INSC: variants seen among roughly 807,000 people sequenced by gnomAD.
The protein encoded by INSC is INSC spindle orientation adaptor protein.
Under a neutral mutation model 58.6 loss-of-function variants are expected in INSC, and 67 were observed. That is an observed-to-expected ratio of 1.14 (90% CI 0.94 to 1.40). INSC has a LOEUF of 1.40. Among genes scored for constraint, INSC ranks in the 40% most tolerant of loss-of-function variants. INSC has a pLI of 0.00. For synonymous variants in INSC, 262 were observed against 276.1 expected (o/e 0.95, Z 0.51); for missense variants, 714 against 692.0 (o/e 1.03, Z -0.36).
rs550642524 is a variant in INSC, at chr11:15,246,132, ATCT to A, written c.*97_*99del. On this transcript the variant is annotated 3_prime_UTR_variant, in exon 13 of 13. Transcript: ENST00000379556. ...ATCTGAGTACATACCAGCTCTCCTC[ATCT>A]TCTTATTTATACTTAACTTATTTTT... The A allele has an allele frequency of 3.6e-4, 489 of 1,366,498 alleles. 1 individual carries two copies. In the African/African-American group the frequency reaches 5.8e-3, roughly 16 times the overall value. The allele number at this position is 1,366,498 out of a possible 1,614,324, so 84.6% of individuals were successfully genotyped here.
At chr11:15,223,220 A>G (rs1220797431) in intron 8 of INSC, among the ~76,000 whole-genome samples, 1 of 152,260 alleles carries the variant, frequency 6.6e-6, no homozygotes, top group African/African-American at 2.4e-5. Context: ...TTCTCAATTT[A>G]TAAACATTAT....
At chr11:15,233,960 C>G (rs11023478) in intron 9 of INSC, among the ~76,000 whole-genome samples, 6,400 of 152,282 alleles carry the variant, frequency 0.042, 173 homozygotes, top group Non-Finnish European at 0.057. Flanking sequence ...GGGGAACTTT[C>G]CAACCCAGCT....
intron 1 of INSC, among the ~76,000 whole-genome samples, chr11:15,122,057 A>C (rs1266940656): frequency 6.6e-6 from 1 of 152,234 alleles, no homozygotes; most frequent in African/African-American, 2.4e-5. Flanking sequence ...CAAGATTTAA[A>C]GGCTACCTGT....
At chr11:15,163,421 T>C (rs1849085393) in intron 2 of INSC, among the ~76,000 whole-genome samples, 1 of 152,190 alleles carries the variant, frequency 6.6e-6, no homozygotes, top group South Asian at 2.1e-4. Flanking sequence ...TTTCAATGTG[T>C]AGTTTTAAGT....
At chr11:15,226,366 T>C (rs1316612185) in intron 9 of INSC, among the ~76,000 whole-genome samples, 1 of 152,242 alleles carries the variant, frequency 6.6e-6, no homozygotes, top group East Asian at 1.9e-4. Context: ...CATAATTGTC[T>C]ATGTATATTT....
chr11:15,235,618 C>T lies in INSC; in HGVS notation c.1187C>T (p.Ala396Val). ...CTTTTCCAGATTGTGACCATCTTGG[C>T]AAACATGTCTGTCCTAGAACAGTGT... ...YTRDQIVTIL[A>V]NMSVLEQCAS... Residue 396 changes from alanine to valine, a missense_variant, in exon 10 of 13, where the codon GCA (alanine) becomes GTA (valine). Physicochemically the swap from Ala to Val is moderately conservative, Grantham distance 64. Coordinates refer to ENST00000379556, the MANE Select transcript of INSC (RefSeq NM_001042536.3). 1 of 1,613,824 alleles carries T rather than the reference C, an allele frequency of 6.2e-7. No individual in the cohort carries two copies. The highest frequency in any genetic ancestry group is 8.5e-7 in the Non-Finnish European group (1 of 1,179,698).
intron 1 of INSC, among the ~76,000 whole-genome samples, chr11:15,132,120 C>T (rs1564861160): frequency 1.3e-5 from 2 of 152,060 alleles, no homozygotes; most frequent in Non-Finnish European, 2.9e-5. Flanking sequence ...GATATTATAG[C>T]ATTAATAATA....
intron 10 of INSC, 133 bp from the exon 11 acceptor site, chr11:15,238,786 C>T (rs1852226978): frequency 2.5e-6 from 2 of 808,160 alleles, no homozygotes; most frequent in Middle Eastern, 2.6e-4. Flanking sequence ...TGTCCAGCTT[C>T]CTCCCTGTGG....
intron 11 of INSC, among the ~76,000 whole-genome samples, chr11:15,239,638 C>A (rs187175705): frequency 1.1e-4 from 17 of 152,292 alleles, no homozygotes; most frequent in Admixed American, 9.8e-4. Flanking sequence ...ACCCCAGGGG[C>A]TCACAGCCTC....
intron 5 of INSC, among the ~76,000 whole-genome samples, chr11:15,185,862 T>C (rs996502440): frequency 1.3e-5 from 2 of 152,196 alleles, no homozygotes; most frequent in African/African-American, 2.4e-5. Context: ...TTTAAACTTA[T>C]GATAAAAAAA....
At chr11:15,199,509 C>G (rs1850496731) in intron 6 of INSC, among the ~76,000 whole-genome samples, 1 of 152,150 alleles carries the variant, frequency 6.6e-6, no homozygotes, top group African/African-American at 2.4e-5. Context: ...CTTCCAATTG[C>G]CCATTCGTTG....
At chr11:15,198,005 C>CTCAAT (rs1384227354) in intron 6 of INSC, among the ~76,000 whole-genome samples, 1 of 134,602 alleles carries the variant, frequency 7.4e-6, no homozygotes, top group Non-Finnish European at 1.8e-5. Flanking sequence ...GAGTGCTGCA[C>CTCAAT]TCGGTTCTTG....
chr11:15,209,952 C>A (rs1850955486), intron 7 of INSC, among the ~76,000 whole-genome samples: 1 of 152,150 alleles, frequency 6.6e-6, no homozygotes, highest in African/African-American at 2.4e-5. Context: ...TGCCCTGAGC[C>A]CCTGTTTGCA....
intron 2 of INSC, among the ~76,000 whole-genome samples, chr11:15,165,867 T>TG (rs910779507): frequency 2.7e-5 from 4 of 150,278 alleles, no homozygotes; most frequent in African/African-American, 4.9e-5. Flanking sequence ...ACCAGTCTTT[T>TG]GGGGGGTGGT....
intron 1 of INSC, among the ~76,000 whole-genome samples, chr11:15,133,635 C>T (rs995312423): frequency 6.6e-6 from 1 of 152,208 alleles, no homozygotes; most frequent in Admixed American, 6.5e-5. Context: ...GGCTTTATCA[C>T]ATGTCTCCTT....
At chr11:15,244,138 T>G (rs11023483) in intron 12 of INSC, among the ~76,000 whole-genome samples, 23,055 of 152,158 alleles carry the variant, frequency 0.15, 1,950 homozygotes, top group African/African-American at 0.23. Flanking sequence ...ATTGGTGGCC[T>G]TGTTTCCTCA....
rs774420186 is a variant in INSC, at chr11:15,190,832, G to A, written c.693+18G>A. 23 of 1,540,452 alleles carry A rather than the reference G, an allele frequency of 1.5e-5. No homozygotes were observed. The highest frequency in any genetic ancestry group is 2.0e-5 in the Non-Finnish European group (22 of 1,113,082). ...TAGCCAAGGTGAGCTTCATGGTTAGGGACCAAAATGGCAGGCCTGGGGAAG... is the reference window on the plus strand; with the variant it reads ...TAGCCAAGGTGAGCTTCATGGTTAGAGACCAAAATGGCAGGCCTGGGGAAG... On this transcript the variant is annotated intron_variant, in intron 6 of 12. Transcript: ENST00000379556.
At chr11:15,198,598 A>C (rs940737100) in intron 6 of INSC, among the ~76,000 whole-genome samples, 1 of 152,110 alleles carries the variant, frequency 6.6e-6, no homozygotes, top group Non-Finnish European at 1.5e-5. Context: ...ATCTATCTAC[A>C]TATATAGAGA....
chr11:15,238,821 C>T, intron 10 of INSC, 98 bp from the exon 11 acceptor site: 1 of 1,276,662 alleles, frequency 7.8e-7, no homozygotes, highest in Non-Finnish European at 1.1e-6. Context: ...GTCATCCTGA[C>T]AGCCTTTGCT....
Sources: allele counts gnomAD v4.1 joint callset (sites outside exome capture counted in the v4.1 genomes callset), GRCh38; gene constraint gnomAD v4.1.1; transcripts MANE v1.5; gene names NCBI Gene and HGNC (gene_info 2026-07-23, HGNC 2026-07-21).